Variants in LRRC49 observed in about 807,000 individuals in gnomAD.
LRRC49 encodes leucine-rich repeat-containing protein 49.
A neutral mutation model predicts 83.3 loss-of-function variants in LRRC49; 50 were observed. The observed-to-expected ratio is 0.60, with a 90% CI of 0.48 to 0.76. The LOEUF (loss-of-function observed/expected upper bound fraction) is 0.76, where lower values mean the gene tolerates loss of function less well. Ranked by LOEUF, LRRC49 falls within the 30% of genes least tolerant of loss-of-function variation. The pLI is 0.00. For missense variants in LRRC49, 704 were observed against 809.1 expected (o/e 0.87, Z 1.58); for synonymous variants, 286 against 283.3 (o/e 1.01, Z -0.10).
chr15:71,033,136 C>A (rs922310176), intron 14 of LRRC49, among the ~76,000 whole-genome samples: 1 of 152,182 alleles, frequency 6.6e-6, no homozygotes, highest in Non-Finnish European at 1.5e-5. Flanking sequence ...CCAAAAGCTG[C>A]TTAAGCTGAT....
chr15:70,989,532 G>A (rs1031500151), intron 11 of LRRC49, among the ~76,000 whole-genome samples: 18 of 152,152 alleles, frequency 1.2e-4, no homozygotes, highest in African/African-American at 3.6e-4. Flanking sequence ...TTATACATTC[G>A]TCTAAATTTT....
At chr15:71,034,841 A>G (rs1215175883) in intron 14 of LRRC49, among the ~76,000 whole-genome samples, 1 of 152,170 alleles carries the variant, frequency 6.6e-6, no homozygotes, top group African/African-American at 2.4e-5. Context: ...GGAGCTGAAC[A>G]ATGAGAACAT....
chr15:70,991,753 A>G (rs2037888255), intron 11 of LRRC49, among the ~76,000 whole-genome samples: 1 of 152,240 alleles, frequency 6.6e-6, no homozygotes, highest in Non-Finnish European at 1.5e-5. Flanking sequence ...TATGTGTCTT[A>G]TTACCTTAAC....
intron 9 of LRRC49, among the ~76,000 whole-genome samples, chr15:70,965,136 A>G (rs903891505): frequency 6.6e-6 from 1 of 152,144 alleles, no homozygotes; most frequent in Admixed American, 6.6e-5. Flanking sequence ...TTTCTTAGTT[A>G]AGCATCTATG....
At chr15:70,876,898 G>A (rs768438487) in intron 2 of LRRC49, among the ~76,000 whole-genome samples, 1 of 152,122 alleles carries the variant, frequency 6.6e-6, no homozygotes, top group African/African-American at 2.4e-5. Context: ...TTCATTCAGT[G>A]CCCAAAGGTT....
chr15:70,914,960 C>G (rs1016171523), intron 6 of LRRC49, among the ~76,000 whole-genome samples: 2 of 152,266 alleles, frequency 1.3e-5, no homozygotes, highest in South Asian at 2.1e-4. Flanking sequence ...TATTAAGAAG[C>G]CTTGCAGACT....
intron 14 of LRRC49, among the ~76,000 whole-genome samples, chr15:71,013,995 T>C (rs1596140312): frequency 6.6e-6 from 1 of 152,182 alleles, no homozygotes; most frequent in Non-Finnish European, 1.5e-5. Context: ...GTTACCCTAC[T>C]ATAATTTACA....
chr15:70,907,590 C>A (rs1205144083), intron 5 of LRRC49: 1 of 165,478 alleles, frequency 6.0e-6, no homozygotes, highest in Non-Finnish European at 1.3e-5. Flanking sequence ...ACTCTTAGAA[C>A]CTGGGATTCT....
chr15:70,956,419 A>T (rs567301450), intron 8 of LRRC49, among the ~76,000 whole-genome samples: 25 of 152,046 alleles, frequency 1.6e-4, no homozygotes, highest in African/African-American at 4.8e-4. Flanking sequence ...TTATAAGTTA[A>T]ATGTCAGCCT....
intron 1 of LRRC49, among the ~76,000 whole-genome samples, chr15:70,862,157 C>G (rs561752077): frequency 9.8e-5 from 15 of 152,324 alleles, no homozygotes; most frequent in African/African-American, 3.6e-4. Context: ...CACCCTGGTC[C>G]TCCATTCCCC....
rs1030382068 is a variant in LRRC49, at chr15:71,052,907, G to A, written c.*3295G>A. 6.6e-6 allele frequency: 1 copy of A among 152,146 alleles called. No homozygotes were observed. Among genetic ancestry groups the A allele is most frequent in the African/African-American group, 2.4e-5 (1 of 41,426 alleles). The allele number at this position is 152,146 out of a possible 1,614,324, so 9.4% of individuals were successfully genotyped here. A position where few individuals can be genotyped will look rare whatever the true frequency, so the allele number is the denominator to read the frequency against. Reference sequence around the variant, plus strand: ...TTTCATGTTTTGTCATTATGCTGAGGAATAGCAAATAAAAGATGAGAATTT... The same window carrying A: ...TTTCATGTTTTGTCATTATGCTGAGAAATAGCAAATAAAAGATGAGAATTT... On this transcript the variant is annotated 3_prime_UTR_variant, in exon 16 of 16. Transcript: ENST00000260382.
intron 11 of LRRC49, among the ~76,000 whole-genome samples, chr15:70,990,483 C>T (rs1225766460): frequency 6.6e-5 from 10 of 152,210 alleles, no homozygotes; most frequent in East Asian, 1.9e-4. Context: ...TTAAGCCCAT[C>T]GGAAAAGCAC....
chr15:71,043,855 A>G (rs1188070638), intron 15 of LRRC49, among the ~76,000 whole-genome samples: 1 of 152,204 alleles, frequency 6.6e-6, no homozygotes, highest in Non-Finnish European at 1.5e-5. Flanking sequence ...AAAATATATC[A>G]TTTAATTGTT....
intron 7 of LRRC49, among the ~76,000 whole-genome samples, chr15:70,933,179 T>G (rs1269719322): frequency 6.6e-6 from 1 of 152,178 alleles, no homozygotes; most frequent in African/African-American, 2.4e-5. Context: ...ATTTTTTCTA[T>G]TTTTTAAAAG....
At chr15:71,006,557 T>C (rs2038465445) in intron 11 of LRRC49, among the ~76,000 whole-genome samples, 1 of 152,080 alleles carries the variant, frequency 6.6e-6, no homozygotes, top group Non-Finnish European at 1.5e-5. Context: ...AACATCCTTC[T>C]TAAGATATAA....
At chr15:70,863,560 A>G (rs1374736394) in intron 1 of LRRC49, among the ~76,000 whole-genome samples, 1 of 152,196 alleles carries the variant, frequency 6.6e-6, no homozygotes, top group Non-Finnish European at 1.5e-5. Context: ...CAGATTCAAA[A>G]ATCCCTACAG....
At position 71,024,149 on chromosome 15, in the gene LRRC49, C is replaced by T. The variant is rs149141079; in HGVS notation, c.1703+11236C>T. 2.5e-3 allele frequency among the ~76,000 whole-genome samples: 386 copies of T among 152,362 alleles called. 5 individuals carry two copies. Among genetic ancestry groups the T allele is most frequent in the African/African-American group, 9.0e-3 (376 of 41,586 alleles). Reference sequence around the variant, plus strand: ...GCCCCTGAGGGGCAGCCACAGTCTCCACAGATCAGCCGATTTAGTCTTTCT... The same window carrying T: ...GCCCCTGAGGGGCAGCCACAGTCTCTACAGATCAGCCGATTTAGTCTTTCT... On this transcript the variant is annotated intron_variant, in intron 14 of 15. Coordinates refer to ENST00000260382, the MANE Select transcript of LRRC49 (RefSeq NM_017691.5).
At chr15:71,040,980 CAG>C (rs2039684719) in intron 15 of LRRC49, among the ~76,000 whole-genome samples, 1 of 152,130 alleles carries the variant, frequency 6.6e-6, no homozygotes, top group Non-Finnish European at 1.5e-5. Flanking sequence ...AACAAGAAAA[CAG>C]GGACTTCATT....
chr15:70,982,979 T>C (rs999660595), intron 10 of LRRC49, among the ~76,000 whole-genome samples: 2 of 152,182 alleles, frequency 1.3e-5, no homozygotes, highest in Non-Finnish European at 2.9e-5. Flanking sequence ...CAGAGAATCT[T>C]CCTACTAGCC....
Sources: gnomAD v4.1 joint callset for allele counts (sites outside exome capture counted in the v4.1 genomes callset) on GRCh38, gnomAD v4.1.1 for gene constraint, MANE v1.5 for transcripts, NCBI Gene and HGNC (gene_info 2026-07-23, HGNC 2026-07-21) for gene names.